Variants in PCDHA1 observed in about 807,000 individuals in gnomAD.
PCDHA1 encodes the protein protocadherin alpha-1.
Under a neutral mutation model 61.3 loss-of-function variants are expected in PCDHA1, and 42 were observed. That is an observed-to-expected ratio of 0.69 (90% confidence interval 0.54 to 0.89). The LOEUF (loss-of-function observed/expected upper bound fraction) is 0.89. PCDHA1 is among the 40% of genes least tolerant of loss of function. PCDHA1 has a pLI of 0.00. For missense variants in PCDHA1, 1,256 were observed against 1,235.3 expected (o/e 1.02, Z -0.25); for synonymous variants, 610 against 553.8 (o/e 1.10, Z -1.43).
chr5:140,994,190 C>G (rs1377695035), intron 3 of PCDHA1, among the ~76,000 whole-genome samples: 1 of 152,136 alleles, frequency 6.6e-6, no homozygotes, highest in Non-Finnish European at 1.5e-5. Context: ...ACCACCAGGG[C>G]CTGTTGGTCC....
intron 1 of PCDHA1, chr5:140,928,165 C>G: frequency 6.2e-7 from 1 of 1,614,200 alleles, no homozygotes; most frequent in Non-Finnish European, 8.5e-7. Context: ...CTCACCCCCA[C>G]TTAGCACCCG....
At position 140,787,382 on chromosome 5, in the gene PCDHA1, A is replaced by T; in HGVS notation, c.1092A>T (p.Pro364=). The change falls in exon 1 of 4, where the codon CCA becomes CCT. Residue 364 remains proline (P), a synonymous_variant. Transcript: ENST00000504120. ...ATTTGCCTATCAGAGAGGACGCTCC[A>T]CTCAGCACCGTCATCGCCCTCATCA... ...SLYLPIREDA[P]LSTVIALITV... The T allele has an allele frequency of 6.2e-7, 1 of 1,614,182 alleles. No individual in the cohort carries two copies. The highest frequency in any genetic ancestry group is 2.2e-5 in the East Asian group (1 of 44,874).
intron 1 of PCDHA1, among the ~76,000 whole-genome samples, chr5:140,832,629 T>G (rs1394763115): frequency 3.9e-5 from 6 of 152,122 alleles, no homozygotes; most frequent in Non-Finnish European, 8.8e-5. Context: ...TTTTAAAAAG[T>G]TCCTAGGAGG....
intron 1 of PCDHA1, among the ~76,000 whole-genome samples, chr5:140,938,050 A>G (rs1169641392): frequency 6.6e-6 from 1 of 152,116 alleles, no homozygotes; most frequent in African/African-American, 2.4e-5. Context: ...TGGGTTTTCT[A>G]CATATACTGT....
intron 3 of PCDHA1, among the ~76,000 whole-genome samples, chr5:140,988,533 C>G (rs1395075166): frequency 6.6e-6 from 1 of 152,160 alleles, no homozygotes; most frequent in African/African-American, 2.4e-5. Flanking sequence ...CTGGCTCCAT[C>G]CATTCATGAC....
At chr5:140,893,261 C>T (rs2063902016) in intron 1 of PCDHA1, among the ~76,000 whole-genome samples, 1 of 152,104 alleles carries the variant, frequency 6.6e-6, no homozygotes, top group Non-Finnish European at 1.5e-5. Context: ...TGGATAAATG[C>T]CCAATAGTGG....
intron 3 of PCDHA1, among the ~76,000 whole-genome samples, chr5:140,993,888 G>A (rs1196429613): frequency 6.6e-6 from 1 of 152,140 alleles, no homozygotes; most frequent in African/African-American, 2.4e-5. Flanking sequence ...GCTCTATGAT[G>A]TCCATACAAC....
At chr5:140,834,387 G>C in intron 1 of PCDHA1, 1 of 1,584,008 alleles carries the variant, frequency 6.3e-7, no homozygotes, top group South Asian at 1.2e-5. Flanking sequence ...ATTTGAAATG[G>C]TGTGCCCGAA....
intron 1 of PCDHA1, chr5:140,853,930 A>G: frequency 1.1e-6 from 1 of 887,870 alleles, no homozygotes; most frequent in Non-Finnish European, 1.4e-6. Flanking sequence ...ACATTTTGGG[A>G]GGCCAAGGTG....
At chr5:140,830,536 T>A (rs1771118020) in intron 1 of PCDHA1, 1 of 1,240,846 alleles carries the variant, frequency 8.1e-7, no homozygotes, top group Non-Finnish European at 1.1e-6. Context: ...AATTTATAAT[T>A]GTTTTCCTCA....
intron 1 of PCDHA1, among the ~76,000 whole-genome samples, chr5:140,845,869 C>A (rs1190017155): frequency 6.7e-6 from 1 of 149,586 alleles, no homozygotes; most frequent in Non-Finnish European, 1.5e-5. Flanking sequence ...TGCAGAAAGG[C>A]AACCTAAAAT....
At chr5:140,982,226 A>G in intron 2 of PCDHA1, 1 of 603,292 alleles carries the variant, frequency 1.7e-6, no homozygotes, top group Non-Finnish European at 2.5e-6. Context: ...GCGTTAATAA[A>G]AAACAGAATT....
chr5:140,883,702 T>G (rs367854871), intron 1 of PCDHA1: 3 of 1,613,750 alleles, frequency 1.9e-6, no homozygotes, highest in Non-Finnish European at 2.5e-6. Flanking sequence ...TCACGGTGTC[T>G]GCTCAGGACG....
chr5:140,922,272 G>A (rs547313117), intron 1 of PCDHA1, among the ~76,000 whole-genome samples: 37 of 152,312 alleles, frequency 2.4e-4, no homozygotes, highest in African/African-American at 8.7e-4. Flanking sequence ...ATGAAGATTG[G>A]ACCAAGATAT....
At chr5:140,852,024 C>A in intron 1 of PCDHA1, 1 of 949,532 alleles carries the variant, frequency 1.1e-6, no homozygotes, top group Non-Finnish European at 1.3e-6. Context: ...TTAAAAACTT[C>A]GCTTATTGAG....
intron 1 of PCDHA1, among the ~76,000 whole-genome samples, chr5:140,907,316 A>G (rs2073307783): frequency 6.6e-6 from 1 of 152,194 alleles, no homozygotes; most frequent in African/African-American, 2.4e-5. Flanking sequence ...GAACATGTAA[A>G]GACCAGTGAA....
rs530428922 is a variant in PCDHA1, at chr5:140,875,375, A to G, written c.2394+86691A>G. On this transcript the variant is annotated intron_variant, in intron 1 of 3. Transcript: ENST00000504120. ...TGTGATGCTGGAAAAAATTTACTAA[A>G]TATGTACTTACAGAAAAGGGTGACT... 70 of 1,456,838 alleles carry G rather than the reference A, an allele frequency of 4.8e-5. No individual in the cohort carries two copies. The African/African-American group carries it at 9.9e-4, about 21-fold the overall frequency. The allele number at this position is 1,456,838 out of a possible 1,614,324, so 90.2% of individuals were successfully genotyped here. A position where few individuals can be genotyped will look rare whatever the true frequency, so the allele number is the denominator to read the frequency against.
At chr5:140,918,971 T>C (rs1342049692) in intron 1 of PCDHA1, among the ~76,000 whole-genome samples, 3 of 152,234 alleles carry the variant, frequency 2.0e-5, no homozygotes, top group Admixed American at 6.5e-5. Flanking sequence ...AGATATCGTT[T>C]AGGTTAGTTG....
At chr5:140,823,973 G>A in intron 1 of PCDHA1, 1 of 1,614,090 alleles carries the variant, frequency 6.2e-7, no homozygotes, top group South Asian at 1.1e-5. Context: ...GTGTGCACAC[G>A]GGGCAAGCCC....
Sources: allele counts gnomAD v4.1 joint callset (sites outside exome capture counted in the v4.1 genomes callset), GRCh38; gene constraint gnomAD v4.1.1; transcripts MANE v1.5; gene names NCBI Gene and HGNC (gene_info 2026-07-23, HGNC 2026-07-21).